ZNF385D: variants seen among roughly 807,000 people sequenced by gnomAD.
ZNF385D encodes the protein zinc finger protein 385D.
In ZNF385D, 15 loss-of-function variants were observed where a neutral mutation model predicts 35.8. The ratio of observed to expected loss-of-function variants is 0.42; its 90% CI spans 0.28 to 0.64. The LOEUF (loss-of-function observed/expected upper bound fraction) is 0.64, where lower values mean the gene tolerates loss of function less well. Among genes scored for constraint, ZNF385D ranks in the 30% least tolerant of loss-of-function variants. The pLI is 0.23. For missense variants in ZNF385D, 474 were observed against 494.6 expected (o/e 0.96, Z 0.39); for synonymous variants, 212 against 186.8 (o/e 1.13, Z -1.10).
At position 22,079,814 on chromosome 3, in the gene ZNF385D, A is replaced by G. The variant is rs534165701; in HGVS notation, c.325+89003T>C. Among the ~76,000 whole-genome samples the G allele has an allele frequency of 2.2e-4, 34 of 152,122 alleles. No homozygotes were observed. In the East Asian group the frequency reaches 6.2e-3, roughly 28 times the overall value. ...AAAGACCTTGGACATACGGGTATTA[A>G]AAGACATACGTATGAAATGCATACT... On this transcript the variant is annotated intron_variant, in intron 3 of 5. Transcript: ENST00000494108.
At chr3:21,868,586 T>G (rs1316951498) in intron 3 of ZNF385D, among the ~76,000 whole-genome samples, 1 of 152,144 alleles carries the variant, frequency 6.6e-6, no homozygotes, top group African/African-American at 2.4e-5. Flanking sequence ...TTTTGTACTA[T>G]TACCATATCT....
intron 3 of ZNF385D, among the ~76,000 whole-genome samples, chr3:21,834,147 T>C (rs886819709): frequency 3.3e-5 from 5 of 152,134 alleles, no homozygotes; most frequent in Non-Finnish European, 7.4e-5. Flanking sequence ...CACACACATA[T>C]AGCTGGCTGA....
chr3:21,766,695 T>C (rs1245393613), intron 3 of ZNF385D, among the ~76,000 whole-genome samples: 1 of 151,510 alleles, frequency 6.6e-6, no homozygotes, highest in Non-Finnish European at 1.5e-5. Flanking sequence ...TCAAGAAGAG[T>C]AAGATAGAAT....
chr3:21,854,378 T>C (rs181580566), intron 3 of ZNF385D, among the ~76,000 whole-genome samples: 131 of 152,082 alleles, frequency 8.6e-4, no homozygotes, highest in African/African-American at 2.7e-3. Context: ...ATGCCACTTA[T>C]TCAAAAAGCC....
chr3:22,107,242 C>T (rs570865822), intron 3 of ZNF385D, among the ~76,000 whole-genome samples: 2 of 151,880 alleles, frequency 1.3e-5, no homozygotes, highest in African/African-American at 2.4e-5. Context: ...AGGCTGGTCT[C>T]GAACTCCCGA....
chr3:22,137,393 C>T (rs575012455), intron 3 of ZNF385D, among the ~76,000 whole-genome samples: 7 of 152,146 alleles, frequency 4.6e-5, no homozygotes, highest in Non-Finnish European at 7.4e-5. Context: ...GACCAATATC[C>T]TTGATGAACA....
intron 2 of ZNF385D, among the ~76,000 whole-genome samples, chr3:22,214,224 A>C (rs2035851): frequency 0.059 from 8,906 of 152,162 alleles, 639 homozygotes; most frequent in African/African-American, 0.17. Context: ...TTTCATGGAC[A>C]CTTATCACTT....
intron 2 of ZNF385D, among the ~76,000 whole-genome samples, chr3:22,339,853 T>G (rs990880675): frequency 2.0e-5 from 3 of 152,138 alleles, no homozygotes; most frequent in African/African-American, 7.2e-5. Flanking sequence ...GACATCCGCT[T>G]TAAAAAACTC....
exon 3 of ZNF385D, chr3:22,168,909 T>C: frequency 1.0e-6 from 1 of 985,860 alleles, no homozygotes; most frequent in Non-Finnish European, 1.2e-6. Flanking sequence ...AGCGGCTGAA[T>C]TCAGCTGAAT....
chr3:21,702,731 C>G (rs1027526285), intron 1 of ZNF385D, among the ~76,000 whole-genome samples: 5 of 152,124 alleles, frequency 3.3e-5, no homozygotes, highest in African/African-American at 1.2e-4. Flanking sequence ...CACCAGATAC[C>G]CTAAATCATC....
chr3:21,849,029 A>C (rs1017536766), intron 3 of ZNF385D, among the ~76,000 whole-genome samples: 3 of 152,106 alleles, frequency 2.0e-5, no homozygotes, highest in African/African-American at 7.2e-5. Flanking sequence ...TGTAAGCACT[A>C]CTTCTACGTG....
chr3:21,865,291 A>C (rs1395824195), intron 3 of ZNF385D, among the ~76,000 whole-genome samples: 1 of 151,896 alleles, frequency 6.6e-6, no homozygotes. Context: ...TGGAATCTCA[A>C]AACTCATTTC....
At chr3:22,116,811 A>T (rs1576347542) in intron 3 of ZNF385D, among the ~76,000 whole-genome samples, 1 of 152,168 alleles carries the variant, frequency 6.6e-6, no homozygotes, top group East Asian at 1.9e-4. Context: ...AAATATGATG[A>T]AAGGTTTATA....
chr3:21,630,728 A>C (rs918342198), intron 2 of ZNF385D, among the ~76,000 whole-genome samples: 13 of 152,120 alleles, frequency 8.5e-5, no homozygotes, highest in African/African-American at 3.1e-4. Flanking sequence ...GAAATGTGGA[A>C]TGAAAAGTCC....
Position 22,315,920 on chromosome 3 carries a change from A to T in ZNF385D, c.106+56530T>A, listed in dbSNP as rs374255312. On this transcript the variant is annotated intron_variant, in intron 2 of 5. Coordinates refer to the ZNF385D transcript ENST00000494108. Reference sequence around the variant, plus strand: ...AGGAAGGGTCTGAATTCTGCTAAAAAGTAGGCATAGTTCCTATAATCCCTT... The same window carrying T: ...AGGAAGGGTCTGAATTCTGCTAAAATGTAGGCATAGTTCCTATAATCCCTT... Among the ~76,000 whole-genome samples the T allele has an allele frequency of 5.3e-5, 8 of 152,350 alleles. No homozygotes were observed. In the South Asian group the frequency reaches 1.0e-3, roughly 20 times the overall value.
At chr3:21,773,021 A>T (rs981965121) in intron 3 of ZNF385D, among the ~76,000 whole-genome samples, 8 of 151,896 alleles carry the variant, frequency 5.3e-5, no homozygotes, top group African/African-American at 1.7e-4. Flanking sequence ...TAGAGACAGT[A>T]AGTAGAATGG....
intron 3 of ZNF385D, among the ~76,000 whole-genome samples, chr3:21,774,640 G>A: frequency 6.6e-6 from 1 of 151,698 alleles, no homozygotes; most frequent in East Asian, 2.0e-4. Context: ...ATAGAGAGAA[G>A]TGATTAGAGA....
At chr3:21,644,574 A>G (rs2125864829) in intron 2 of ZNF385D, among the ~76,000 whole-genome samples, 1 of 152,292 alleles carries the variant, frequency 6.6e-6, no homozygotes, top group East Asian at 1.9e-4. Flanking sequence ...AAGAAATGAC[A>G]TTTTTTCTCT....
At chr3:21,531,839 A>G (rs766384685) in intron 3 of ZNF385D, among the ~76,000 whole-genome samples, 5 of 152,210 alleles carry the variant, frequency 3.3e-5, no homozygotes, top group Non-Finnish European at 7.3e-5. Flanking sequence ...AATCTGCTCA[A>G]ACCCATAGAA....
Sources: allele counts gnomAD v4.1 joint callset (sites outside exome capture counted in the v4.1 genomes callset), GRCh38; gene constraint gnomAD v4.1.1; transcripts MANE v1.5; gene names NCBI Gene and HGNC (gene_info 2026-07-23, HGNC 2026-07-21).